ANKRD44: variants seen among roughly 807,000 people sequenced by gnomAD.
ANKRD44 encodes ankyrin repeat domain 44, also known as serine/threonine-protein phosphatase 6 regulatory ankyrin repeat subunit B.
A neutral mutation model predicts 116.0 loss-of-function variants in ANKRD44; 35 were observed. The ratio of observed to expected loss-of-function variants is 0.30; its 90% CI spans 0.23 to 0.40. The LOEUF (loss-of-function observed/expected upper bound fraction) is 0.40. Among genes scored for constraint, ANKRD44 ranks in the 10% least tolerant of loss-of-function variants. The pLI, the probability that ANKRD44 is intolerant of heterozygous loss-of-function variation, is 1.00. For missense variants in ANKRD44, 1,014 were observed against 1,242.6 expected (o/e 0.82, Z 2.77); for synonymous variants, 435 against 461.8 (o/e 0.94, Z 0.74).
At chr2:197,231,180 T>A (rs2081852730) in intron 1 of ANKRD44, among the ~76,000 whole-genome samples, 1 of 152,146 alleles carries the variant, frequency 6.6e-6, no homozygotes, top group Non-Finnish European at 1.5e-5. Context: ...CCTAGCACTT[T>A]GAGAGGCTGA....
chr2:197,057,506 T>C (rs1286955983), intron 16 of ANKRD44, among the ~76,000 whole-genome samples: 1 of 152,210 alleles, frequency 6.6e-6, no homozygotes, highest in African/African-American at 2.4e-5. Context: ...GAGATCTTTA[T>C]TCTCCAGAAC....
chr2:197,234,071 T>C (rs1223156613), intron 1 of ANKRD44, among the ~76,000 whole-genome samples: 3 of 152,226 alleles, frequency 2.0e-5, no homozygotes, highest in Non-Finnish European at 2.9e-5. Flanking sequence ...TTCAAAATTA[T>C]ACAGAGTAAA....
At chr2:197,309,749 G>A (rs1031148393) in intron 1 of ANKRD44, among the ~76,000 whole-genome samples, 5 of 152,148 alleles carry the variant, frequency 3.3e-5, no homozygotes, top group African/African-American at 4.8e-5. Context: ...TTGGTTTGGT[G>A]CCTGTTAGTG....
chr2:197,109,570 T>C (rs1041308624), intron 9 of ANKRD44, among the ~76,000 whole-genome samples: 1 of 152,228 alleles, frequency 6.6e-6, no homozygotes, highest in Non-Finnish European at 1.5e-5. Flanking sequence ...GTTTTATGTC[T>C]TAAGTGACTA....
At chr2:197,035,922 T>C (rs2076798269) in intron 16 of ANKRD44, among the ~76,000 whole-genome samples, 1 of 152,074 alleles carries the variant, frequency 6.6e-6, no homozygotes, top group Non-Finnish European at 1.5e-5. Context: ...AGAACTGATA[T>C]GATGTGCCAA....
chr2:197,189,079 A>G (rs1267129095), intron 1 of ANKRD44, among the ~76,000 whole-genome samples: 1 of 152,046 alleles, frequency 6.6e-6, no homozygotes, highest in Non-Finnish European at 1.5e-5. Context: ...TTCTCTTTTT[A>G]TCCTCCTGTT....
intron 25 of ANKRD44, among the ~76,000 whole-genome samples, chr2:196,997,669 G>A (rs367760022): frequency 1.3e-5 from 2 of 151,696 alleles, no homozygotes; most frequent in Non-Finnish European, 1.5e-5. Flanking sequence ...GGCTGGTCTC[G>A]AACTCCCGAC....
chr2:197,196,855 G>A (rs902096252), intron 1 of ANKRD44, among the ~76,000 whole-genome samples: 2 of 151,870 alleles, frequency 1.3e-5, no homozygotes, highest in African/African-American at 4.8e-5. Context: ...TGAATTCCAC[G>A]TGCATTCTTG....
intron 1 of ANKRD44, among the ~76,000 whole-genome samples, chr2:197,253,989 A>G (rs1018474643): frequency 2.0e-5 from 3 of 152,204 alleles, no homozygotes; most frequent in Admixed American, 6.5e-5. Context: ...GCCACCCACA[A>G]TGGGAGTATT....
In ANKRD44 at chr2:197,019,735, C is replaced by T. The variant is rs539351277; in HGVS notation, c.1722+5461G>A. On this transcript the variant is annotated intron_variant, in intron 17 of 27. Coordinates refer to ENST00000282272, the MANE Select transcript of ANKRD44 (RefSeq NM_001195144.2). ...AATAGAGGATGGTATAATGAATTGC[C>T]GTATACCTTTCACGCAGTTTGAGTC... Among the ~76,000 whole-genome samples the T allele has an allele frequency of 8.6e-5, 13 of 151,958 alleles. No homozygotes were observed. The South Asian group carries it at 2.3e-3, about 27-fold the overall frequency.
chr2:197,018,499 C>T (rs10169446), intron 17 of ANKRD44, among the ~76,000 whole-genome samples: 2 of 152,178 alleles, frequency 1.3e-5, no homozygotes, highest in Admixed American at 1.3e-4. Context: ...CTTCCCAGAG[C>T]AGCCCATGTA....
chr2:197,172,817 T>C (rs545060645), intron 2 of ANKRD44, among the ~76,000 whole-genome samples: 1 of 152,234 alleles, frequency 6.6e-6, no homozygotes, highest in East Asian at 1.9e-4. Flanking sequence ...CCGCCCACCT[T>C]GGCCTCCCAA....
chr2:196,981,435 T>C (rs894911763), intron 21 of ANKRD44, among the ~76,000 whole-genome samples: 5 of 152,368 alleles, frequency 3.3e-5, no homozygotes, highest in African/African-American at 1.2e-4. Context: ...ATTATAAATC[T>C]TGAGTGTACT....
At chr2:196,975,475 C>A (rs1464294788) in intron 21 of ANKRD44, among the ~76,000 whole-genome samples, 1 of 152,122 alleles carries the variant, frequency 6.6e-6, no homozygotes, top group Non-Finnish European at 1.5e-5. Context: ...TACCATCACA[C>A]CAAAACAAGA....
intron 10 of ANKRD44, chr2:197,099,349 G>T: frequency 9.0e-6 from 2 of 223,278 alleles, no homozygotes; most frequent in Non-Finnish European, 1.5e-5. Context: ...CAGCATAGAT[G>T]CTTTATGTAT....
At chr2:197,033,026 C>T (rs762031892) in intron 16 of ANKRD44, among the ~76,000 whole-genome samples, 50 of 151,618 alleles carry the variant, frequency 3.3e-4, no homozygotes, top group Admixed American at 1.9e-3. Flanking sequence ...GTCTAGTGGA[C>T]GGCTGGATAT....
chr2:197,233,004 A>G (rs1021359459), intron 1 of ANKRD44, among the ~76,000 whole-genome samples: 5 of 152,194 alleles, frequency 3.3e-5, no homozygotes, highest in African/African-American at 1.2e-4. Context: ...CAATGATTTG[A>G]GGCTTTATTG....
At position 197,258,821 on chromosome 2, in the gene ANKRD44, A is replaced by G. The variant is rs59036521; in HGVS notation, c.27+51757T>C. ...TATCTCATTTGTGGTTTTGACTGGC[A>G]TTTCCCTAATGATCAGTGATTGCTC... On this transcript the variant is annotated intron_variant, in intron 1 of 27. Transcript: ENST00000282272. Among the ~76,000 whole-genome samples the G allele has an allele frequency of 6.3e-3, 963 of 152,280 alleles. 8 individuals carry two copies. The highest frequency in any genetic ancestry group is 0.021 in the African/African-American group (874 of 41,526).
At chr2:197,130,847 C>T (rs1433135971) in intron 4 of ANKRD44, among the ~76,000 whole-genome samples, 1 of 152,138 alleles carries the variant, frequency 6.6e-6, no homozygotes, top group African/African-American at 2.4e-5. Context: ...AAATAAAATG[C>T]TTATCCTGCT....
Sources: gnomAD v4.1 joint callset for allele counts (sites outside exome capture counted in the v4.1 genomes callset) on GRCh38, gnomAD v4.1.1 for gene constraint, MANE v1.5 for transcripts, NCBI Gene and HGNC (gene_info 2026-07-23, HGNC 2026-07-21) for gene names.